The following ARHGAP15 variants were observed in gnomAD, a reference collection of about 807,000 sequenced individuals.
ARHGAP15 encodes rho GTPase-activating protein 15.
A neutral mutation model predicts 63.7 loss-of-function variants in ARHGAP15; 51 were observed. The observed-to-expected ratio is 0.80, with a 90% CI of 0.64 to 1.01. The LOEUF (loss-of-function observed/expected upper bound fraction) is 1.01. ARHGAP15 is among the 50% of genes least tolerant of loss of function. ARHGAP15 has a pLI of 0.00. For synonymous variants in ARHGAP15, 191 were observed against 193.8 expected, an observed-to-expected ratio of 0.99 and a Z score of 0.12; for missense variants, 560 against 564.6, an observed-to-expected ratio of 0.99 and a Z score of 0.08.
intron 6 of ARHGAP15, among the ~76,000 whole-genome samples, chr2:143,291,982 T>C (rs578020613): frequency 2.2e-4 from 34 of 152,258 alleles, no homozygotes; most frequent in African/African-American, 7.9e-4. Context: ...CTGGGAAGTT[T>C]TAAGACACTT....
chr2:143,353,052 CAATTT>C (rs1192192831), intron 6 of ARHGAP15, among the ~76,000 whole-genome samples: 1 of 151,786 alleles, frequency 6.6e-6, no homozygotes, highest in Non-Finnish European at 1.5e-5. Flanking sequence ...ACTTTATAAA[CAATTT>C]AAAGAAACTT....
chr2:143,624,137 G>A lies in ARHGAP15; in HGVS notation c.1008G>A (p.Glu336=), dbSNP rs747283246. 14 of 1,613,254 alleles carry A rather than the reference G, an allele frequency of 8.7e-6. No homozygotes were observed. In the African/African-American group the frequency reaches 1.7e-4, roughly 20 times the overall value. Residue 336 remains glutamate, a synonymous_variant, in exon 12 of 14, where the codon GAG becomes GAA. Transcript: ENST00000295095. The part of the protein sequence containing the change: ...QKLRFIVNQE[E]KLNLDDSQWE... The stretch of plus-strand genomic sequence containing the variant: ...TTTCTCCTCGTGTTTTCCCAGAAGA[G>A]AAGCTGAATTTGGACGACAGCCAGT...
intron 11 of ARHGAP15, among the ~76,000 whole-genome samples, chr2:143,594,581 A>T (rs1697441364): frequency 6.6e-6 from 1 of 152,148 alleles, no homozygotes. Flanking sequence ...TCCTGGTCTT[A>T]TAATTGATCA....
At chr2:143,310,839 T>C (rs543397400) in intron 6 of ARHGAP15, among the ~76,000 whole-genome samples, 2 of 152,034 alleles carry the variant, frequency 1.3e-5, no homozygotes, top group Admixed American at 6.6e-5. Context: ...ATTGTATAGG[T>C]TTATATGAAT....
At chr2:143,594,248 A>C (rs1372534307) in intron 11 of ARHGAP15, among the ~76,000 whole-genome samples, 1 of 152,214 alleles carries the variant, frequency 6.6e-6, no homozygotes, top group East Asian at 1.9e-4. Flanking sequence ...ATACCTTCAT[A>C]AACAAAAATC....
chr2:143,217,496 C>T (rs1402167827), intron 4 of ARHGAP15, among the ~76,000 whole-genome samples: 1 of 152,064 alleles, frequency 6.6e-6, no homozygotes, highest in Non-Finnish European at 1.5e-5. Flanking sequence ...CTGGAGTGGC[C>T]CTGCAGCCAC....
chr2:143,517,105 T>C (rs1390561013), intron 9 of ARHGAP15, among the ~76,000 whole-genome samples: 2 of 152,214 alleles, frequency 1.3e-5, no homozygotes, highest in South Asian at 2.1e-4. Context: ...CGCGCCACCA[T>C]GCCCAGCTAA....
intron 1 of ARHGAP15, among the ~76,000 whole-genome samples, chr2:143,154,974 G>A (rs1203067146): frequency 6.6e-6 from 1 of 151,858 alleles, no homozygotes; most frequent in Non-Finnish European, 1.5e-5. Context: ...AGTATTGTGA[G>A]TGGGGGTAGG....
At chr2:143,501,171 G>A (rs74525524) in intron 9 of ARHGAP15, among the ~76,000 whole-genome samples, 30 of 152,254 alleles carry the variant, frequency 2.0e-4, no homozygotes, top group East Asian at 5.8e-4. Context: ...GTGAGATTCC[G>A]AATACTCTAA....
At chr2:143,280,255 A>G (rs1228336645) in intron 6 of ARHGAP15, among the ~76,000 whole-genome samples, 1 of 152,140 alleles carries the variant, frequency 6.6e-6, no homozygotes, top group Non-Finnish European at 1.5e-5. Flanking sequence ...TCAGTGACTA[A>G]TACCAAACTC....
At chr2:143,477,348 T>C (rs1251040267) in intron 8 of ARHGAP15, among the ~76,000 whole-genome samples, 1 of 152,194 alleles carries the variant, frequency 6.6e-6, no homozygotes, top group Non-Finnish European at 1.5e-5. Flanking sequence ...ACACCTGTTC[T>C]GTAAATTTAA....
intron 11 of ARHGAP15, among the ~76,000 whole-genome samples, chr2:143,594,335 C>T (rs532274568): frequency 6.6e-6 from 1 of 152,292 alleles, no homozygotes; most frequent in South Asian, 2.1e-4. Context: ...GGAACATTAA[C>T]ATGTACAGCA....
chr2:143,143,463 C>T (rs1689453415), intron 1 of ARHGAP15, among the ~76,000 whole-genome samples: 1 of 151,766 alleles, frequency 6.6e-6, no homozygotes, highest in Non-Finnish European at 1.5e-5. Context: ...CTATTTTGAT[C>T]ATCTGGGCTT....
intron 12 of ARHGAP15, among the ~76,000 whole-genome samples, chr2:143,649,871 C>CT (rs1477326554): frequency 6.6e-6 from 1 of 151,900 alleles, no homozygotes; most frequent in African/African-American, 2.4e-5. Context: ...GAACTAGTAT[C>CT]TAATATGAAT....
intron 6 of ARHGAP15, among the ~76,000 whole-genome samples, chr2:143,296,206 C>T (rs879401766): frequency 2.6e-5 from 4 of 151,996 alleles, no homozygotes; most frequent in East Asian, 1.9e-4. Flanking sequence ...CCTCTGACTA[C>T]GACTGTCCCT....
chr2:143,509,332 G>GAAAA (rs35562461), intron 9 of ARHGAP15, among the ~76,000 whole-genome samples: 4 of 140,020 alleles, frequency 2.9e-5, no homozygotes, highest in African/African-American at 1.1e-4. Context: ...TGCCTCTTAT[G>GAAAA]AAAAAAAAAA....
chr2:143,673,784 A>ATATG (rs71404481), intron 12 of ARHGAP15, among the ~76,000 whole-genome samples: 4 of 114,208 alleles, frequency 3.5e-5, no homozygotes, highest in African/African-American at 1.1e-4. Flanking sequence ...ATATATATAT[A>ATATG]AACAACTCCT....
chr2:143,150,837 A>G (rs532208264), intron 1 of ARHGAP15, among the ~76,000 whole-genome samples: 88 of 152,144 alleles, frequency 5.8e-4, no homozygotes, highest in African/African-American at 2.1e-3. Flanking sequence ...GTGTTCTAGG[A>G]AGAACAAGGG....
intron 9 of ARHGAP15, among the ~76,000 whole-genome samples, chr2:143,518,416 G>A (rs1453906436): frequency 4.6e-5 from 7 of 152,180 alleles, no homozygotes; most frequent in Admixed American, 4.6e-4. Context: ...ACATTAGTCT[G>A]GAGACATGCT....
Sources: allele counts gnomAD v4.1 joint callset (sites outside exome capture counted in the v4.1 genomes callset), GRCh38; gene constraint gnomAD v4.1.1; transcripts MANE v1.5; gene names NCBI Gene and HGNC (gene_info 2026-07-23, HGNC 2026-07-21).